The following PIP5K1B variants were observed in gnomAD, a reference collection of about 807,000 sequenced individuals.
PIP5K1B encodes the protein phosphatidylinositol 4-phosphate 5-kinase type-1 beta.
A neutral mutation model predicts 67.0 loss-of-function variants in PIP5K1B; 42 were observed. That is an observed-to-expected ratio of 0.63 (90% confidence interval 0.49 to 0.81). The LOEUF is 0.81. Among genes scored for constraint, PIP5K1B ranks in the 30% least tolerant of loss-of-function variants. The probability of loss-of-function intolerance (pLI) is 0.00; values close to 1 mark genes in which losing one functional copy is unlikely to be tolerated. For missense variants in PIP5K1B, 459 were observed against 646.3 expected, an observed-to-expected ratio of 0.71 and a Z score of 3.14; for synonymous variants, 214 against 231.4, an observed-to-expected ratio of 0.92 and a Z score of 0.68.
chr9:68,871,009 AC>A (rs1444690612), intron 5 of PIP5K1B, among the ~76,000 whole-genome samples: 1 of 152,118 alleles, frequency 6.6e-6, no homozygotes, highest in African/African-American at 2.4e-5. Flanking sequence ...AATTAGTTTT[AC>A]CCCATTGCTT....
chr9:68,957,923 G>A (rs192027188), intron 14 of PIP5K1B, among the ~76,000 whole-genome samples: 41 of 151,846 alleles, frequency 2.7e-4, no homozygotes, highest in African/African-American at 9.9e-4. Flanking sequence ...GCCCAGGCTG[G>A]AGTGCAGTGG....
chr9:68,758,757 C>G (rs1056172206), intron 2 of PIP5K1B, among the ~76,000 whole-genome samples: 12 of 151,980 alleles, frequency 7.9e-5, no homozygotes, highest in African/African-American at 2.9e-4. Flanking sequence ...GCTACAGATT[C>G]AAGAAGCTCA....
intron 8 of PIP5K1B, among the ~76,000 whole-genome samples, chr9:68,900,329 C>T (rs1261525517): frequency 1.3e-5 from 2 of 152,186 alleles, no homozygotes; most frequent in African/African-American, 4.8e-5. Flanking sequence ...TCTGCAGCTG[C>T]AGCACCTGGC....
intron 15 of PIP5K1B, among the ~76,000 whole-genome samples, chr9:68,995,686 T>C (rs961470639): frequency 6.6e-6 from 1 of 151,604 alleles, no homozygotes; most frequent in Non-Finnish European, 1.5e-5. Context: ...ATGCCTGTAA[T>C]CCCAGCTACT....
At position 68,742,541 on chromosome 9, in the gene PIP5K1B, A is replaced by G. The variant is rs560830858; in HGVS notation, c.-202A>G. ...CCCAGCAGAGCTGAGATGTGACTGC[A>G]GAGCCGTCCAACCCCAGTCCTGTGA... On this transcript the variant is annotated 5_prime_UTR_variant, in exon 2 of 16. Transcript: ENST00000265382. The G allele has an allele frequency of 6.6e-6, 1 of 152,370 alleles. No individual in the cohort carries two copies. Among genetic ancestry groups the G allele is most frequent in the South Asian group, 2.1e-4 (1 of 4,824 alleles). 9.4% of individuals were successfully genotyped at this position (152,370 alleles called of 1,614,324 possible). A position where few individuals can be genotyped will look rare whatever the true frequency, so the allele number is the denominator to read the frequency against.
intron 2 of PIP5K1B, chr9:68,783,129 C>T (rs1831393642): frequency 6.0e-6 from 1 of 166,924 alleles, no homozygotes; most frequent in South Asian, 2.1e-4. Flanking sequence ...TGATATTTTT[C>T]GCCCTCTTGC....
chr9:68,918,065 G>A (rs550144043), intron 9 of PIP5K1B, among the ~76,000 whole-genome samples: 1 of 150,872 alleles, frequency 6.6e-6, no homozygotes, highest in South Asian at 2.1e-4. Context: ...CTTTGAATTT[G>A]AATAAACATG....
intron 14 of PIP5K1B, among the ~76,000 whole-genome samples, chr9:68,988,484 C>T (rs1830199123): frequency 8.0e-6 from 1 of 125,322 alleles, no homozygotes; most frequent in Non-Finnish European, 1.6e-5. Context: ...AAGTCTCACT[C>T]TGTCACCCAG....
rs11143752 is a variant in PIP5K1B, at chr9:68,798,702, T to A, written c.-85-19759T>A. 3.9e-3 allele frequency among the ~76,000 whole-genome samples: 601 copies of A among 152,266 alleles called. 3 individuals are homozygous for A. Among genetic ancestry groups the A allele is most frequent in the African/African-American group, 0.014 (578 of 41,552 alleles). The stretch of plus-strand genomic sequence containing the variant: ...TAGGGCAAGATCAGAAGTCTAGATT[T>A]TATTCTAATGCCATAAGAAGACATT... On this transcript the variant is annotated intron_variant, in intron 2 of 15. Transcript: ENST00000265382.
chr9:68,959,086 C>T (rs1828567873), intron 14 of PIP5K1B, among the ~76,000 whole-genome samples: 1 of 152,138 alleles, frequency 6.6e-6, no homozygotes, highest in Non-Finnish European at 1.5e-5. Context: ...TAATTGTGAA[C>T]CAAGTTCCAG....
chr9:69,005,030 G>T (rs761570444), intron 15 of PIP5K1B, among the ~76,000 whole-genome samples: 2 of 152,032 alleles, frequency 1.3e-5, no homozygotes, highest in African/African-American at 4.8e-5. Flanking sequence ...AGTTGGCAGT[G>T]CTCACCCAAT....
chr9:68,825,500 C>A (rs1461641980), intron 4 of PIP5K1B, among the ~76,000 whole-genome samples: 1 of 152,184 alleles, frequency 6.6e-6, no homozygotes, highest in South Asian at 2.1e-4. Context: ...ACAGACTACA[C>A]AAGTGTTGTC....
chr9:69,000,136 T>G (rs1587787283), intron 15 of PIP5K1B, among the ~76,000 whole-genome samples: 1 of 152,098 alleles, frequency 6.6e-6, no homozygotes, highest in Non-Finnish European at 1.5e-5. Context: ...GCTTGAGCCT[T>G]TTTGAAAGGC....
At chr9:68,760,136 G>T (rs1830118768) in intron 2 of PIP5K1B, among the ~76,000 whole-genome samples, 1 of 152,034 alleles carries the variant, frequency 6.6e-6, no homozygotes, top group Non-Finnish European at 1.5e-5. Context: ...AACATCTGTG[G>T]CTAGCTACAA....
chr9:68,899,564 A>G (rs775546721), intron 8 of PIP5K1B, among the ~76,000 whole-genome samples: 2 of 152,244 alleles, frequency 1.3e-5, no homozygotes, highest in Non-Finnish European at 2.9e-5. Flanking sequence ...GGAAGTATCC[A>G]GTTTCACTGC....
intron 4 of PIP5K1B, among the ~76,000 whole-genome samples, chr9:68,834,164 G>A (rs965413304): frequency 1.3e-5 from 2 of 152,140 alleles, no homozygotes; most frequent in South Asian, 2.1e-4. Flanking sequence ...GCTCCATAGC[G>A]TGGCATGTGA....
chr9:68,873,363 C>CT (rs1823722915), intron 5 of PIP5K1B, among the ~76,000 whole-genome samples: 1 of 146,150 alleles, frequency 6.8e-6, no homozygotes, highest in Non-Finnish European at 1.5e-5. Flanking sequence ...CCTCGGCTCA[C>CT]TGCAGCTTCA....
chr9:68,847,551 T>A (rs1212151468), intron 4 of PIP5K1B, among the ~76,000 whole-genome samples: 1 of 151,522 alleles, frequency 6.6e-6, no homozygotes, highest in Non-Finnish European at 1.5e-5. Context: ...GTTGTCCTAA[T>A]CTTGTTTTAC....
At chr9:68,901,544 G>A (rs1228386839) in intron 8 of PIP5K1B, among the ~76,000 whole-genome samples, 1 of 152,184 alleles carries the variant, frequency 6.6e-6, no homozygotes, top group Middle Eastern at 3.2e-3. Flanking sequence ...CAGGTGTGAA[G>A]CACCATGCCC....
Sources: allele counts gnomAD v4.1 joint callset (sites outside exome capture counted in the v4.1 genomes callset), GRCh38; gene constraint gnomAD v4.1.1; transcripts MANE v1.5; gene names NCBI Gene and HGNC (gene_info 2026-07-23, HGNC 2026-07-21).